NMUR1: variants seen among roughly 807,000 people sequenced by gnomAD.
NMUR1 encodes neuromedin U receptor 1, also known as neuromedin-U receptor 1.
Under a neutral mutation model 18.8 loss-of-function variants are expected in NMUR1, and 16 were observed. That is an observed-to-expected ratio of 0.85 (90% confidence interval 0.58 to 1.29). The LOEUF (loss-of-function observed/expected upper bound fraction) is 1.29. Among genes scored for constraint, NMUR1 ranks in the 50% most tolerant of loss-of-function variants. The pLI is 0.00. For missense variants in NMUR1, 529 were observed against 580.3 expected, an observed-to-expected ratio of 0.91 and a Z score of 0.91; for synonymous variants, 258 against 258.2, an observed-to-expected ratio of 1.00 and a Z score of 0.01.
In NMUR1 at chr2:231,528,771, C is replaced by A. The variant is rs562239962; in HGVS notation, c.250G>T (p.Val84Phe). The change falls in exon 2 of 3, where the codon GTC becomes TTC. Residue 84 changes from valine to phenylalanine, a missense_variant. Coordinates refer to ENST00000305141, the MANE Select transcript of NMUR1 (RefSeq NM_006056.5). ...CGCATGGCCTTGTGGCGCAGGATGA[C>A]CAGACAGGTCAGCCCATTGCCCACA... ...GAVGNGLTCL[V>F]ILRHKAMRTP... 6.2e-7 allele frequency: 1 copy of A among 1,614,220 alleles called. No individual in the cohort carries two copies. The highest frequency in any genetic ancestry group is 1.1e-5 in the South Asian group (1 of 91,090).
Position 231,530,406 on chromosome 2 carries a change from C to T in NMUR1, c.-45G>A, listed in dbSNP as rs779429662. The T allele has an allele frequency of 2.0e-6, 3 of 1,471,822 alleles. No homozygotes were observed. In the South Asian group the frequency reaches 3.9e-5, roughly 19 times the overall value. The allele number at this position is 1,471,822 out of a possible 1,614,324, so 91.2% of individuals were successfully genotyped here. ...ACCCCGGCTTCCACCCTCCGAGCGA[C>T]GGACACAGACGCGGCGCGGGAGCCA... On this transcript the variant is annotated 5_prime_UTR_variant, in exon 1 of 3. Transcript: ENST00000305141.
chr2:231,527,989 C>CACACACAG, intron 2 of NMUR1, 134 bp downstream of exon 2: 2 of 898,402 alleles, frequency 2.2e-6, no homozygotes, highest in Non-Finnish European at 3.3e-6. Context: ...CACACACACA[C>CACACACAG]ACACACACAC....
chr2:231,524,892 T>G lies in NMUR1; in HGVS notation c.*151A>C, dbSNP rs2047338877. The G allele has an allele frequency of 4.9e-6, 5 of 1,013,012 alleles. No individual in the cohort carries two copies. The highest frequency in any genetic ancestry group is 3.6e-5 in the South Asian group (2 of 55,506). 62.8% of individuals were successfully genotyped at this position (1,013,012 alleles called of 1,614,324 possible). A position where few individuals can be genotyped will look rare whatever the true frequency, so the allele number is the denominator to read the frequency against. ...GTCAGGGATCCCTCCTCCTGCTGTT[T>G]CCCTCTGAGGGAAACTGAGGTGCTG... On this transcript the variant is annotated 3_prime_UTR_variant, in exon 3 of 3. Coordinates refer to ENST00000305141, the MANE Select transcript of NMUR1 (RefSeq NM_006056.5).
Position 231,524,987 on chromosome 2 carries a change from C to A in NMUR1, c.*56G>T. The A allele has an allele frequency of 6.6e-7, 1 of 1,506,312 alleles. No homozygotes were observed. The highest frequency in any genetic ancestry group is 8.8e-7 in the Non-Finnish European group (1 of 1,134,472). The allele number at this position is 1,506,312 out of a possible 1,614,324, so 93.3% of individuals were successfully genotyped here. On this transcript the variant is annotated 3_prime_UTR_variant, in exon 3 of 3. Coordinates refer to ENST00000305141, the MANE Select transcript of NMUR1 (RefSeq NM_006056.5). ...CCTGCAGAGGAAGGCAGATGTGTCT[C>A]CCCAGCTCCAGGTGACCCTCTGGCC... is the stretch of plus-strand genomic sequence containing the variant.
intron 2 of NMUR1, 124 bp downstream of exon 2, chr2:231,527,999 C>T: frequency 3.1e-6 from 3 of 959,806 alleles, no homozygotes; most frequent in South Asian, 1.8e-5. Flanking sequence ...CACACACACA[C>T]GAGACTAGAG....
rs371890137 is a variant in NMUR1, at chr2:231,528,696, C to T, written c.325G>A (p.Val109Met). The change falls in exon 2 of 3, where the codon GTG (valine) becomes ATG (methionine). Residue 109 changes from valine (V) to methionine (M), a missense_variant. Val to Met is a conservative substitution (Grantham distance 21, BLOSUM62 1). Transcript: ENST00000305141. The stretch of plus-strand genomic sequence containing the variant: ...TCCAGGGGCAGGCCCACCAGCAGCA[C>T]CAGCAGGTCCGACACGGCCAGGCTG... ...LFSLAVSDLL[V>M]LLVGLPLELY... The T allele has an allele frequency of 6.2e-7, 1 of 1,614,244 alleles. No homozygotes were observed. The highest frequency in any genetic ancestry group is 1.7e-5 in the Admixed American group (1 of 60,034).
In NMUR1 at chr2:231,528,517, C is replaced by G. The variant is rs2047381098; in HGVS notation, c.504G>C (p.Gln168His). The G allele has an allele frequency of 2.6e-5, 42 of 1,613,876 alleles. No homozygotes were observed. In the East Asian group the frequency reaches 9.4e-4, roughly 36 times the overall value. Reference sequence around the variant, plus strand: ...GGGCCCGCGTCACCATGGACCTGGCCTGGAGTGGGTGCACCACGGCCACAT... The same window carrying G: ...GGGCCCGCGTCACCATGGACCTGGCGTGGAGTGGGTGCACCACGGCCACAT... ...ERYVAVVHPL[Q>H]ARSMVTRAHV... The change falls in exon 2 of 3, where the codon CAG (glutamine) becomes CAC (histidine). Residue 168 changes from glutamine (Q) to histidine (H), a missense_variant. Gln to His is a conservative substitution (Grantham distance 24, BLOSUM62 0). Coordinates refer to ENST00000305141, the MANE Select transcript of NMUR1 (RefSeq NM_006056.5).
intron 2 of NMUR1, among the ~76,000 whole-genome samples, chr2:231,525,968 G>A (rs891923328): frequency 1.4e-5 from 2 of 142,782 alleles, no homozygotes; most frequent in African/African-American, 5.2e-5. Context: ...ACACACACAT[G>A]CACACACACA....
downstream of NMUR1, among the ~76,000 whole-genome samples, chr2:231,521,165 C>G (rs552454283): frequency 9.2e-5 from 14 of 152,242 alleles, no homozygotes; most frequent in South Asian, 2.9e-3. Context: ...TGCTTGAGCC[C>G]AGGAGTTTCA....
intron 2 of NMUR1, among the ~76,000 whole-genome samples, chr2:231,527,786 T>C (rs2047370945): frequency 2.6e-5 from 4 of 152,194 alleles, no homozygotes; most frequent in African/African-American, 9.7e-5. Flanking sequence ...AGCAGGGTCC[T>C]GGGCTTGGTT....
rs1296489699 is a variant in NMUR1, at chr2:231,523,286, C to A, written c.*1757G>T. The A allele has an allele frequency of 2.8e-6, 1 of 358,056 alleles. No individual in the cohort carries two copies. The highest frequency in any genetic ancestry group is 2.1e-5 in the African/African-American group (1 of 47,968). 22.2% of individuals were successfully genotyped at this position (358,056 alleles called of 1,614,324 possible). ...TAAAATACACATAACATAAAATGTA[C>A]CATCTTAACCATTTCAGTGTATAGT... On this transcript the variant is annotated 3_prime_UTR_variant, in exon 3 of 3. Transcript: ENST00000305141.
At position 231,525,066 on chromosome 2, in the gene NMUR1, G is replaced by A; in HGVS notation, c.1258C>T (p.Gln420Ter). ...ACTCAGGATGGATCGGTCTCTTGCT[G>A]CGCCTCTGGGCCATCGTTCCCAGCC... is the stretch of plus-strand genomic sequence containing the variant. ...PLAGNDGPEAQQETDPS is the reference protein window; with the variant it reads ...PLAGNDGPEA Residue 420 changes from glutamine (Q) to a stop codon, truncating the protein, a stop_gained, in exon 3 of 3, where the codon CAG (glutamine) becomes TAG (stop). Transcript: ENST00000305141. LOFTEE classifies it high-confidence loss of function. The A allele has an allele frequency of 6.3e-7, 1 of 1,588,866 alleles. No individual in the cohort carries two copies. The highest frequency in any genetic ancestry group is 8.6e-7 in the Non-Finnish European group (1 of 1,167,450).
At position 231,530,412 on chromosome 2, in the gene NMUR1, C is replaced by A; in HGVS notation, c.-51G>T. The A allele has an allele frequency of 6.8e-7, 1 of 1,467,862 alleles. No homozygotes were observed. Among genetic ancestry groups the A allele is most frequent in the Non-Finnish European group, 9.0e-7 (1 of 1,116,914 alleles). 90.9% of individuals were successfully genotyped at this position (1,467,862 alleles called of 1,614,324 possible). On this transcript the variant is annotated 5_prime_UTR_variant, in exon 1 of 3. Coordinates refer to ENST00000305141, the MANE Select transcript of NMUR1 (RefSeq NM_006056.5). Reference sequence around the variant, plus strand: ...GCTTCCACCCTCCGAGCGACGGACACAGACGCGGCGCGGGAGCCAGTGGAC... The same window carrying A: ...GCTTCCACCCTCCGAGCGACGGACAAAGACGCGGCGCGGGAGCCAGTGGAC...
At chr2:231,519,081 C>T (rs111378973), downstream of NMUR1, among the ~76,000 whole-genome samples, 1,133 of 152,372 alleles carry the variant, frequency 7.4e-3, 13 homozygotes, top group East Asian at 0.026. Flanking sequence ...TTCACCCCGC[C>T]TCAGCCTTGA....
In NMUR1 at chr2:231,528,416, A is replaced by C; in HGVS notation, c.605T>G (p.Ile202Ser). The C allele has an allele frequency of 6.2e-7, 1 of 1,613,734 alleles. No individual in the cohort carries two copies. Among genetic ancestry groups the C allele is most frequent in the Non-Finnish European group, 8.5e-7 (1 of 1,179,980 alleles). ...CCGGCAGGGCACGTGCAGCTGCCGG[A>C]TGCCGTGCAGGCTGGTGTTGGGCAG... ...CSLPNTSLHG[I>S]RQLHVPCRGP... is the part of the protein sequence containing the mutation. The change falls in exon 2 of 3, where the codon ATC becomes AGC. Residue 202 changes from isoleucine to serine, a missense_variant. Coordinates refer to ENST00000305141, the MANE Select transcript of NMUR1 (RefSeq NM_006056.5).
Position 231,530,345 on chromosome 2 carries a change from G to A in NMUR1, c.3+14C>T, listed in dbSNP as rs1256740440. On this transcript the variant is annotated intron_variant, in intron 1 of 2. Coordinates refer to ENST00000305141, the MANE Select transcript of NMUR1 (RefSeq NM_006056.5). ...CTGCCGCGCCCTAGCCCACGCCGGC[G>A]CCTGCGCACCTACCATGCGGCCCGC... 6.7e-7 allele frequency: 1 copy of A among 1,492,302 alleles called. No individual in the cohort carries two copies. The highest frequency in any genetic ancestry group is 1.2e-5 in the South Asian group (1 of 80,006). 92.4% of individuals were successfully genotyped at this position (1,492,302 alleles called of 1,614,324 possible).
Position 231,525,500 on chromosome 2 carries a change from C to T in NMUR1, c.899-75G>A, listed in dbSNP as rs955999178. On this transcript the variant is annotated intron_variant, in intron 2 of 2. Transcript: ENST00000305141. ...TGCCTTCCCGGGCTTCAGTTTGGGT[C>T]ACCCATTTTCACATCCTCTCCTATC... is the stretch of plus-strand genomic sequence containing the variant. 2.0e-6 allele frequency: 3 copies of T among 1,480,580 alleles called. No individual in the cohort carries two copies. In the African/African-American group the frequency reaches 4.2e-5, roughly 21 times the overall value. The allele number at this position is 1,480,580 out of a possible 1,614,324, so 91.7% of individuals were successfully genotyped here.
intron 1 of NMUR1, among the ~76,000 whole-genome samples, chr2:231,529,245 A>C (rs1270689572): frequency 2.0e-5 from 3 of 152,170 alleles, no homozygotes; most frequent in African/African-American, 7.2e-5. Context: ...GGATCACTTG[A>C]GATCAGGAGT....
In NMUR1 at chr2:231,528,343, G is replaced by C. The variant is rs1167820847; in HGVS notation, c.678C>G (p.Ala226=). The C allele has an allele frequency of 6.2e-7, 1 of 1,613,424 alleles. No individual in the cohort carries two copies. Among genetic ancestry groups the C allele is most frequent in the South Asian group, 1.1e-5 (1 of 91,012 alleles). ...SAVCMLVRPR[A]LYNMVVQTTA... ...TGGTCTGCACTACCATGTTGTAGAG[G>C]GCCCGTGGGCGGACCAGCATGCAAA... Residue 226 remains alanine, a synonymous_variant, in exon 2 of 3, where the codon GCC becomes GCG. Transcript: ENST00000305141.
Sources: gnomAD v4.1 joint callset for allele counts (sites outside exome capture counted in the v4.1 genomes callset) on GRCh38, gnomAD v4.1.1 for gene constraint, MANE v1.5 for transcripts, NCBI Gene and HGNC (gene_info 2026-07-23, HGNC 2026-07-21) for gene names.